Variants in DGKB observed in about 807,000 individuals in gnomAD.
The protein encoded by DGKB is 90 kDa diacylglycerol kinase.
Under a neutral mutation model 114.3 loss-of-function variants are expected in DGKB, and 67 were observed. The observed-to-expected ratio is 0.59, with a 90% CI of 0.48 to 0.72. The LOEUF (loss-of-function observed/expected upper bound fraction) is 0.72. Among genes scored for constraint, DGKB ranks in the 30% least tolerant of loss-of-function variants. The pLI is 0.00. For missense variants in DGKB, 907 were observed against 975.2 expected, an observed-to-expected ratio of 0.93 and a Z score of 0.93; for synonymous variants, 398 against 323.1, an observed-to-expected ratio of 1.23 and a Z score of -2.49.
At chr7:14,542,116 A>T (rs990190414) in intron 20 of DGKB, among the ~76,000 whole-genome samples, 4 of 152,094 alleles carry the variant, frequency 2.6e-5, no homozygotes, top group Admixed American at 6.6e-5. Flanking sequence ...AAATTCTACA[A>T]TGGTTCCTCA....
chr7:14,549,657 AAC>A (rs946326680), intron 20 of DGKB, among the ~76,000 whole-genome samples: 1 of 152,174 alleles, frequency 6.6e-6, no homozygotes, highest in Non-Finnish European at 1.5e-5. Flanking sequence ...AACATTTAAA[AAC>A]ACAGAAAAGT....
At chr7:14,639,472 C>T (rs1008226081) in intron 13 of DGKB, among the ~76,000 whole-genome samples, 1 of 152,196 alleles carries the variant, frequency 6.6e-6, no homozygotes, top group African/African-American at 2.4e-5. Context: ...GCAACTATCA[C>T]CAGCTGCTAT....
chr7:14,561,417 T>A (rs1442355941), intron 20 of DGKB, among the ~76,000 whole-genome samples: 2 of 152,004 alleles, frequency 1.3e-5, no homozygotes, highest in East Asian at 3.9e-4. Context: ...GTACCAAGAG[T>A]GGCGTGCTGT....
intron 21 of DGKB, among the ~76,000 whole-genome samples, chr7:14,394,072 G>A (rs1263097752): frequency 2.0e-5 from 3 of 151,952 alleles, no homozygotes; most frequent in Non-Finnish European, 4.4e-5. Flanking sequence ...AATTCACAGT[G>A]GTATCTAGAA....
At chr7:14,703,327 A>T (rs1020004824) in intron 6 of DGKB, among the ~76,000 whole-genome samples, 1 of 152,208 alleles carries the variant, frequency 6.6e-6, no homozygotes, top group Non-Finnish European at 1.5e-5. Flanking sequence ...AAATTTGTGG[A>T]AACCCTGTTC....
chr7:14,277,847 C>T lies in DGKB; in HGVS notation c.2122+60668G>A, dbSNP rs142807772. ...TTATTTTTTTGAGGAATCTCTATAC[C>T]ATTTTTCCATAAAGGCTGCACTAAT... On this transcript the variant is annotated intron_variant, in intron 23 of 25. Transcript: ENST00000402815. Among the ~76,000 whole-genome samples, 1,113 of 152,192 alleles carry T rather than the reference C, an allele frequency of 7.3e-3. 7 individuals are homozygous for T. The highest frequency in any genetic ancestry group is 0.025 in the African/African-American group (1,055 of 41,526).
At chr7:14,575,880 C>G (rs1317669954) in intron 19 of DGKB, among the ~76,000 whole-genome samples, 1 of 152,056 alleles carries the variant, frequency 6.6e-6, no homozygotes, top group Non-Finnish European at 1.5e-5. Context: ...TAAAAGAAAA[C>G]AGGCACTCTC....
At chr7:14,242,625 T>C in intron 23 of DGKB, among the ~76,000 whole-genome samples, 1 of 152,154 alleles carries the variant, frequency 6.6e-6, no homozygotes, top group Admixed American at 6.6e-5. Flanking sequence ...TCATAAATTA[T>C]ATTACAACCT....
At chr7:14,504,302 C>G (rs771366360) in intron 20 of DGKB, among the ~76,000 whole-genome samples, 8 of 152,142 alleles carry the variant, frequency 5.3e-5, no homozygotes, top group Non-Finnish European at 1.0e-4. Context: ...GGTTTGGATA[C>G]CAGCTGGCTT....
chr7:14,669,019 C>T (rs1207236540), intron 13 of DGKB, among the ~76,000 whole-genome samples: 1 of 152,084 alleles, frequency 6.6e-6, no homozygotes, highest in East Asian at 1.9e-4. Flanking sequence ...GGTAGCTGCT[C>T]TTTTCTCCTT....
intron 20 of DGKB, among the ~76,000 whole-genome samples, chr7:14,516,742 G>T (rs183223520): frequency 7.9e-5 from 12 of 152,158 alleles, no homozygotes; most frequent in African/African-American, 2.6e-4. Context: ...AAACTTAGCC[G>T]AAGTAGTATA....
At chr7:14,206,981 T>C (rs1786931485) in intron 23 of DGKB, among the ~76,000 whole-genome samples, 1 of 152,076 alleles carries the variant, frequency 6.6e-6, no homozygotes, top group Admixed American at 6.6e-5. Flanking sequence ...GGTAAAAATG[T>C]ATGAGATGGA....
At chr7:14,936,290 A>G (rs966925714) in intron 1 of DGKB, among the ~76,000 whole-genome samples, 4 of 152,144 alleles carry the variant, frequency 2.6e-5, no homozygotes, top group African/African-American at 9.7e-5. Context: ...ATTTGAATGA[A>G]GAGAAACTCC....
chr7:14,183,135 A>G (rs189349475), intron 23 of DGKB, among the ~76,000 whole-genome samples: 57 of 152,308 alleles, frequency 3.7e-4, no homozygotes, highest in Admixed American at 3.1e-3. Context: ...TGTAGATTGT[A>G]TGCCTTCCAG....
chr7:14,913,143 C>A (rs1245167446), intron 1 of DGKB, among the ~76,000 whole-genome samples: 1 of 151,956 alleles, frequency 6.6e-6, no homozygotes, highest in Non-Finnish European at 1.5e-5. Context: ...ATACTACTGT[C>A]CTGTCAGTAC....
chr7:14,333,460 T>TA (rs36112659), intron 23 of DGKB, among the ~76,000 whole-genome samples: 2,285 of 125,774 alleles, frequency 0.018, 22 homozygotes, highest in African/African-American at 0.047. Flanking sequence ...GACTCCGTCT[T>TA]AAAAAAAAAA....
At chr7:14,479,108 C>G (rs1782621594) in intron 20 of DGKB, among the ~76,000 whole-genome samples, 1 of 152,058 alleles carries the variant, frequency 6.6e-6, no homozygotes, top group Non-Finnish European at 1.5e-5. Flanking sequence ...AAATGAGGAA[C>G]TAATATATTT....
chr7:14,957,774 C>T (rs1786595864), intron 1 of DGKB, among the ~76,000 whole-genome samples: 1 of 151,348 alleles, frequency 6.6e-6, no homozygotes, highest in African/African-American at 2.4e-5. Flanking sequence ...TCTTACTTGC[C>T]CCAAAGTATT....
chr7:14,496,737 AG>A (rs1222717417), intron 20 of DGKB, among the ~76,000 whole-genome samples: 1 of 151,836 alleles, frequency 6.6e-6, no homozygotes, highest in African/African-American at 2.4e-5. Context: ...TGAAAACAGA[AG>A]CAATAACTTT....
Sources: gnomAD v4.1 joint callset for allele counts (sites outside exome capture counted in the v4.1 genomes callset) on GRCh38, gnomAD v4.1.1 for gene constraint, MANE v1.5 for transcripts, NCBI Gene and HGNC (gene_info 2026-07-23, HGNC 2026-07-21) for gene names.